The following ST7 variants were observed in gnomAD, a reference collection of about 807,000 sequenced individuals.
The protein encoded by ST7 is suppressor of tumorigenicity 7 protein.
A neutral mutation model predicts 78.7 loss-of-function variants in ST7; 28 were observed. The ratio of observed to expected loss-of-function variants is 0.36; its 90% confidence interval spans 0.26 to 0.49. The LOEUF is 0.49. Among genes scored for constraint, ST7 ranks in the 20% least tolerant of loss-of-function variants. The probability of loss-of-function intolerance (pLI) is 0.99; values close to 1 mark genes in which losing one functional copy is unlikely to be tolerated. For missense variants in ST7, 418 were observed against 696.0 expected, an observed-to-expected ratio of 0.60 and a Z score of 4.49; for synonymous variants, 247 against 249.6, an observed-to-expected ratio of 0.99 and a Z score of 0.10.
intron 1 of ST7, chr7:116,972,886 G>A (rs1793503765): frequency 6.1e-6 from 8 of 1,315,684 alleles, no homozygotes; most frequent in Middle Eastern, 2.6e-4. Context: ...GCCCTTAACC[G>A]CCTCGATGGT....
intron 1 of ST7, among the ~76,000 whole-genome samples, chr7:116,979,453 C>T (rs1416540267): frequency 2.0e-5 from 3 of 152,168 alleles, no homozygotes; most frequent in Non-Finnish European, 4.4e-5. Context: ...TCCAGGTTTG[C>T]ATTTTCAATT....
chr7:117,030,288 T>G (rs1365365706), intron 1 of ST7, among the ~76,000 whole-genome samples: 1 of 152,222 alleles, frequency 6.6e-6, no homozygotes, highest in Non-Finnish European at 1.5e-5. Flanking sequence ...TATTACCCAC[T>G]GAATATATGT....
chr7:117,213,160 G>A (rs2116077860), intron 13 of ST7, among the ~76,000 whole-genome samples: 1 of 152,350 alleles, frequency 6.6e-6, no homozygotes, highest in Non-Finnish European at 1.5e-5. Flanking sequence ...CTGTGCAGGA[G>A]CAAAGGAGGC....
intron 15 of ST7, chr7:117,222,898 G>A: frequency 1.9e-6 from 3 of 1,614,132 alleles, no homozygotes; most frequent in Non-Finnish European, 2.5e-6. Flanking sequence ...TTCAGGGACT[G>A]GAATTGCAAG....
intron 5 of ST7, among the ~76,000 whole-genome samples, chr7:117,131,224 A>G (rs1486112211): frequency 6.6e-6 from 1 of 151,862 alleles, no homozygotes; most frequent in Non-Finnish European, 1.5e-5. Flanking sequence ...AAAATAATTT[A>G]TAAAATACAA....
chr7:117,091,166 C>A lies in ST7; in HGVS notation c.152-8596C>A, dbSNP rs899591233. On this transcript the variant is annotated intron_variant, in intron 1 of 15. Coordinates refer to ENST00000323984, the MANE Select transcript of ST7 (RefSeq NM_001369598.1). ...TGGGTCTAAAATTATACTTCCATGT[C>A]TTTTCCTCAAGAATAAATGACACAG... Among the ~76,000 whole-genome samples, 7 of 152,096 alleles carry A rather than the reference C, an allele frequency of 4.6e-5. No homozygotes were observed. The South Asian group carries it at 1.5e-3, about 32-fold the overall frequency.
intron 10 of ST7, among the ~76,000 whole-genome samples, chr7:117,188,452 C>T (rs771779706): frequency 1.3e-5 from 2 of 152,176 alleles, no homozygotes; most frequent in African/African-American, 2.4e-5. Flanking sequence ...ATACTAACTC[C>T]TATTCTGGAA....
chr7:117,085,739 AT>A (rs1207862648), intron 1 of ST7, among the ~76,000 whole-genome samples: 1 of 152,146 alleles, frequency 6.6e-6, no homozygotes, highest in African/African-American at 2.4e-5. Flanking sequence ...TTTCCTCCCG[AT>A]TTTTATGTAG....
Position 116,953,599 on chromosome 7 carries a change from G to C in ST7, c.59G>C (p.Trp20Ser), listed in dbSNP as rs764988892. Residue 20 changes from tryptophan to serine, a missense_variant, in exon 1 of 16, where the codon TGG becomes TCG. Physicochemically the swap from Trp to Ser is radical, Grantham distance 177. Transcript: ENST00000323984. ...CTCAAGTCCTGCATAGTTTGGTCTT[G>C]GACGTATCTGTGGACCGTGTGGTTC... Reference protein sequence around the residue: ...EQLKSCIVWSWTYLWTVWFFI... With the variant: ...EQLKSCIVWSSTYLWTVWFFI... 2.0e-6 allele frequency: 3 copies of C among 1,506,188 alleles called. No individual in the cohort carries two copies. Among genetic ancestry groups the C allele is most frequent in the Non-Finnish European group, 2.7e-6 (3 of 1,115,092 alleles). 93.3% of individuals were successfully genotyped at this position (1,506,188 alleles called of 1,614,324 possible).
chr7:117,077,927 A>G (rs556101337), intron 1 of ST7, among the ~76,000 whole-genome samples: 2 of 143,324 alleles, frequency 1.4e-5, no homozygotes, highest in African/African-American at 5.2e-5. Flanking sequence ...AACTATATTT[A>G]TTAGTGAGAT....
chr7:117,055,317 C>T (rs1166505412), intron 1 of ST7, among the ~76,000 whole-genome samples: 2 of 152,246 alleles, frequency 1.3e-5, no homozygotes, highest in South Asian at 2.1e-4. Flanking sequence ...ATTCTCCTCC[C>T]TCAGCCTCCC....
chr7:117,170,827 A>G lies in ST7; in HGVS notation c.964-35A>G. The G allele has an allele frequency of 2.7e-6, 3 of 1,092,376 alleles. No homozygotes were observed. In the East Asian group the frequency reaches 7.6e-5, roughly 28 times the overall value. 67.7% of individuals were successfully genotyped at this position (1,092,376 alleles called of 1,614,324 possible). On this transcript the variant is annotated intron_variant, in intron 9 of 15. Coordinates refer to ENST00000323984, the MANE Select transcript of ST7 (RefSeq NM_001369598.1). ...ACAATAAAATTATAAGACATACATA[A>G]TATACTAATTATTCCTTGGTTTCTT...
At chr7:117,153,508 G>A (rs1224012840) in intron 9 of ST7, among the ~76,000 whole-genome samples, 2 of 152,230 alleles carry the variant, frequency 1.3e-5, no homozygotes, top group East Asian at 3.9e-4. Flanking sequence ...AAAAGAAGTG[G>A]CCAGAGAAGT....
At chr7:116,972,284 C>G (rs908038491) in intron 1 of ST7, 2 of 569,188 alleles carry the variant, frequency 3.5e-6, no homozygotes, top group East Asian at 7.0e-5. Context: ...AGCTTGGCTA[C>G]CGATCTCTCA....
At chr7:116,992,675 C>T (rs1365895489) in intron 1 of ST7, among the ~76,000 whole-genome samples, 1 of 152,216 alleles carries the variant, frequency 6.6e-6, no homozygotes, top group Non-Finnish European at 1.5e-5. Flanking sequence ...TTCGGCTCCT[C>T]ATTACTTATG....
intron 1 of ST7, 37 bp downstream of exon 1, chr7:116,953,728 T>G (rs1585029092): frequency 3.4e-6 from 4 of 1,193,208 alleles, no homozygotes; most frequent in East Asian, 3.7e-5. Context: ...CGCCCACCCC[T>G]CCCCCGCCCC....
At chr7:117,089,828 C>T (rs960977115) in intron 1 of ST7, among the ~76,000 whole-genome samples, 3 of 152,252 alleles carry the variant, frequency 2.0e-5, no homozygotes, top group Non-Finnish European at 4.4e-5. Flanking sequence ...CCTCGGCCTC[C>T]CAAAGTGCTG....
At chr7:117,050,405 G>A (rs1455494385) in intron 1 of ST7, among the ~76,000 whole-genome samples, 2 of 152,126 alleles carry the variant, frequency 1.3e-5, no homozygotes, top group Admixed American at 6.5e-5. Flanking sequence ...TATTACAGTA[G>A]CACAGCATGC....
chr7:117,005,138 A>G (rs1795104516), intron 1 of ST7, among the ~76,000 whole-genome samples: 1 of 152,146 alleles, frequency 6.6e-6, no homozygotes, highest in Admixed American at 6.6e-5. Context: ...AATCTTTTAC[A>G]TTCCCAGTGA....
Sources: gnomAD v4.1 joint callset for allele counts (sites outside exome capture counted in the v4.1 genomes callset) on GRCh38, gnomAD v4.1.1 for gene constraint, MANE v1.5 for transcripts, NCBI Gene and HGNC (gene_info 2026-07-23, HGNC 2026-07-21) for gene names.